Variants in SLX4IP observed in about 807,000 individuals in gnomAD.
SLX4IP encodes the protein protein SLX4IP.
Under a neutral mutation model 32.9 loss-of-function variants are expected in SLX4IP, and 34 were observed. The ratio of observed to expected loss-of-function variants is 1.03; its 90% CI spans 0.79 to 1.38. The LOEUF is 1.38. Among genes scored for constraint, SLX4IP ranks in the 40% most tolerant of loss-of-function variants. The pLI is 0.00. For synonymous variants in SLX4IP, 172 were observed against 171.7 expected, an observed-to-expected ratio of 1.00 and a Z score of -0.01; for missense variants, 444 against 479.0, an observed-to-expected ratio of 0.93 and a Z score of 0.68.
chr20:10,601,623 A>G (rs1468869530), intron 5 of SLX4IP, 108 bp from the exon 6 acceptor site: 48 of 812,494 alleles, frequency 5.9e-5, no homozygotes, highest in Non-Finnish European at 5.3e-5. Context: ...TATGTTTTAT[A>G]TGGATGTGCA....
intron 2 of SLX4IP, among the ~76,000 whole-genome samples, chr20:10,517,659 G>T (rs781630830): frequency 7.9e-5 from 12 of 152,170 alleles, no homozygotes; most frequent in Non-Finnish European, 1.0e-4. Flanking sequence ...GCTGCATAGG[G>T]TTGATGTGAG....
chr20:10,557,368 T>G (rs1440973587), intron 3 of SLX4IP, among the ~76,000 whole-genome samples: 1 of 152,232 alleles, frequency 6.6e-6, no homozygotes, highest in Non-Finnish European at 1.5e-5. Flanking sequence ...GAATACCTGG[T>G]GACCTAAAGC....
chr20:10,470,043 G>A (rs1474801744), intron 2 of SLX4IP, among the ~76,000 whole-genome samples: 1 of 152,170 alleles, frequency 6.6e-6, no homozygotes, highest in Non-Finnish European at 1.5e-5. Context: ...TCCAGATTCA[G>A]GAACCTGGAG....
chr20:10,540,359 A>G (rs1286661411), intron 2 of SLX4IP, among the ~76,000 whole-genome samples: 6 of 151,990 alleles, frequency 3.9e-5, no homozygotes. Context: ...AAGACATCGA[A>G]TCCTGAGAAT....
chr20:10,544,958 T>G (rs1440358857), intron 2 of SLX4IP, among the ~76,000 whole-genome samples: 1 of 152,078 alleles, frequency 6.6e-6, no homozygotes, highest in Non-Finnish European at 1.5e-5. Flanking sequence ...CTCTTAAACT[T>G]CAGCATATGC....
intron 2 of SLX4IP, among the ~76,000 whole-genome samples, chr20:10,492,131 G>A (rs1430435630): frequency 6.6e-6 from 1 of 152,184 alleles, no homozygotes; most frequent in Non-Finnish European, 1.5e-5. Flanking sequence ...TCTGCTGAAT[G>A]TTTAAGTTTT....
intron 2 of SLX4IP, among the ~76,000 whole-genome samples, chr20:10,527,910 G>A (rs2065952735): frequency 6.6e-6 from 1 of 151,966 alleles, no homozygotes; most frequent in African/African-American, 2.4e-5. Context: ...TTTCATTTGG[G>A]AAAGAAATGT....
At chr20:10,509,955 G>A (rs596010) in intron 2 of SLX4IP, among the ~76,000 whole-genome samples, 79,915 of 151,944 alleles carry the variant, frequency 0.53, 21,907 homozygotes, top group South Asian at 0.69. Flanking sequence ...GGGATTACAG[G>A]TGTGAGCCAC....
At chr20:10,608,083 T>C (rs998885492) in intron 6 of SLX4IP, among the ~76,000 whole-genome samples, 4 of 152,212 alleles carry the variant, frequency 2.6e-5, no homozygotes, top group Non-Finnish European at 5.9e-5. Flanking sequence ...TTTCTCATAG[T>C]GTATCTTTGC....
chr20:10,489,803 C>A (rs1427153744), intron 2 of SLX4IP, among the ~76,000 whole-genome samples: 1 of 152,290 alleles, frequency 6.6e-6, no homozygotes, highest in Non-Finnish European at 1.5e-5. Flanking sequence ...AGGACAGTTT[C>A]TCTGAATTCA....
At position 10,556,335 on chromosome 20, in the gene SLX4IP, T is replaced by C. The variant is rs2122496858; in HGVS notation, c.117+15T>C. ...AGAAGAAAGAGGTACAACAAAACTT[T>C]CTACTATTTAATTGCAAGTAGCTGC... On this transcript the variant is annotated intron_variant, in intron 3 of 7. Coordinates refer to ENST00000334534, the MANE Select transcript of SLX4IP (RefSeq NM_001009608.3). 8 of 1,609,416 alleles carry C rather than the reference T, an allele frequency of 5.0e-6. No individual in the cohort carries two copies. The East Asian group carries it at 1.8e-4, about 36-fold the overall frequency.
intron 2 of SLX4IP, among the ~76,000 whole-genome samples, chr20:10,515,768 A>G (rs1022907437): frequency 5.3e-5 from 8 of 152,150 alleles, no homozygotes; most frequent in African/African-American, 1.7e-4. Flanking sequence ...GTGTATTTGT[A>G]TGGTTGGTAT....
chr20:10,545,664 T>C (rs1367497434), intron 2 of SLX4IP, among the ~76,000 whole-genome samples: 1 of 152,194 alleles, frequency 6.6e-6, no homozygotes, highest in Non-Finnish European at 1.5e-5. Flanking sequence ...GGGGGATTCC[T>C]TAAATTATTT....
intron 4 of SLX4IP, among the ~76,000 whole-genome samples, chr20:10,590,888 A>G (rs192873621): frequency 2.6e-5 from 4 of 152,340 alleles, no homozygotes; most frequent in Admixed American, 2.6e-4. Context: ...TAAGTTAGAG[A>G]TTGCAAACTG....
chr20:10,461,177 G>A (rs544799474), intron 2 of SLX4IP, among the ~76,000 whole-genome samples: 1 of 152,320 alleles, frequency 6.6e-6, no homozygotes, highest in South Asian at 2.1e-4. Flanking sequence ...AAAAGGGCTG[G>A]GCTTCTTGCA....
intron 2 of SLX4IP, among the ~76,000 whole-genome samples, chr20:10,508,427 T>A (rs781188513): frequency 2.0e-5 from 3 of 152,234 alleles, no homozygotes; most frequent in Non-Finnish European, 4.4e-5. Flanking sequence ...TCCAGATAAC[T>A]GAGGCTTATT....
chr20:10,499,557 T>G (rs2065698609), intron 2 of SLX4IP, among the ~76,000 whole-genome samples: 1 of 152,198 alleles, frequency 6.6e-6, no homozygotes, highest in Non-Finnish European at 1.5e-5. Context: ...ATCAATGTGC[T>G]TCATCTTCCC....
At chr20:10,520,502 A>G (rs757457731) in intron 2 of SLX4IP, among the ~76,000 whole-genome samples, 1 of 151,406 alleles carries the variant, frequency 6.6e-6, no homozygotes, top group African/African-American at 2.4e-5. Flanking sequence ...TTGAAGCACA[A>G]GTGTTTTTAA....
At position 10,622,725 on chromosome 20, in the gene SLX4IP, A is replaced by T; in HGVS notation, c.573A>T (p.Glu191Asp). The change falls in exon 8 of 8, where the codon GAA becomes GAT. Residue 191 changes from glutamate to aspartate, a missense_variant. By Grantham distance (45) the Glu-to-Asp change is conservative (BLOSUM62 2). Coordinates refer to ENST00000334534, the MANE Select transcript of SLX4IP (RefSeq NM_001009608.3). ...CGCAGACCAGAAGAGACACTGTGGA[A>T]ACATCTAGTGACTCAGTGATTGCAG... ...SKSQTRRDTVETSSDSVIAEI... is the reference protein window; with the variant it reads ...SKSQTRRDTVDTSSDSVIAEI... 1.2e-6 allele frequency: 2 copies of T among 1,614,110 alleles called. No homozygotes were observed. The highest frequency in any genetic ancestry group is 8.5e-7 in the Non-Finnish European group (1 of 1,180,030).
Sources: allele counts gnomAD v4.1 joint callset (sites outside exome capture counted in the v4.1 genomes callset), GRCh38; gene constraint gnomAD v4.1.1; transcripts MANE v1.5; gene names NCBI Gene and HGNC (gene_info 2026-07-23, HGNC 2026-07-21).